The following ATRN variants were observed in gnomAD, a reference collection of about 807,000 sequenced individuals.
ATRN encodes the protein attractin, also known as attractin-2.
In ATRN, 54 loss-of-function variants were observed where a neutral mutation model predicts 178.7. The observed-to-expected ratio is 0.30, with a 90% CI of 0.24 to 0.38. The LOEUF is 0.38. Among genes scored for constraint, ATRN ranks in the 10% least tolerant of loss-of-function variants. ATRN has a pLI of 1.00. For synonymous variants in ATRN, 636 were observed against 663.0 expected (o/e 0.96, Z 0.63); for missense variants, 1,443 against 1,815.1 (o/e 0.79, Z 3.73).
chr20:3,471,341 C>T lies in ATRN; in HGVS notation c.234C>T (p.Pro78=), dbSNP rs1358432670. The change falls in exon 1 of 29, where the codon CCC becomes CCT. Residue 78 remains proline (P), a synonymous_variant. Transcript: ENST00000262919. ...LSPPLLLLLL[P]CEAEAAAAAA... is the part of the protein sequence containing the mutation. ...CGCCGCTGCTGCTGCTGCTGCTGCC[C>T]TGTGAGGCCGAGGCCGCGGCGGCGG... 4 of 1,487,630 alleles carry T rather than the reference C, an allele frequency of 2.7e-6. 1 individual carries two copies. In the South Asian group the frequency reaches 3.8e-5, roughly 14 times the overall value. 92.2% of individuals were successfully genotyped at this position (1,487,630 alleles called of 1,614,324 possible).
chr20:3,597,335 C>G (rs2086545547), intron 21 of ATRN, among the ~76,000 whole-genome samples: 1 of 151,914 alleles, frequency 6.6e-6, no homozygotes, highest in African/African-American at 2.4e-5. Flanking sequence ...ATGACAATTC[C>G]AGTTAAAAAC....
intron 25 of ATRN, among the ~76,000 whole-genome samples, chr20:3,633,457 C>T (rs557252068): frequency 2.0e-5 from 3 of 152,308 alleles, no homozygotes; most frequent in Non-Finnish European, 4.4e-5. Context: ...ATCCTACAAA[C>T]GCAGAGCTCA....
intron 1 of ATRN, among the ~76,000 whole-genome samples, chr20:3,521,418 C>G (rs1000867270): frequency 2.0e-5 from 3 of 151,328 alleles, no homozygotes; most frequent in Non-Finnish European, 1.5e-5. Flanking sequence ...TTCATAAAGA[C>G]AAACATGTAA....
intron 11 of ATRN, among the ~76,000 whole-genome samples, chr20:3,571,763 C>A (rs1333302276): frequency 6.6e-6 from 1 of 152,042 alleles, no homozygotes; most frequent in Non-Finnish European, 1.5e-5. Context: ...ATCTTTTTTT[C>A]ATAGCATATC....
At chr20:3,539,524 T>A (rs1005606874) in intron 2 of ATRN, among the ~76,000 whole-genome samples, 2 of 152,156 alleles carry the variant, frequency 1.3e-5, no homozygotes, top group African/African-American at 2.4e-5. Context: ...AGGGTTTTTT[T>A]ATCTGGTTGC....
At chr20:3,491,046 G>GT (rs2084786148) in intron 1 of ATRN, 2 of 994,796 alleles carry the variant, frequency 2.0e-6, no homozygotes, top group Admixed American at 3.6e-5. Context: ...TTTATGATTA[G>GT]TTGTTTGCTG....
At chr20:3,529,537 T>A (rs1365100820) in intron 1 of ATRN, among the ~76,000 whole-genome samples, 1 of 152,176 alleles carries the variant, frequency 6.6e-6, no homozygotes, top group East Asian at 1.9e-4. Flanking sequence ...AAAAGTTATG[T>A]TGATAAAAAG....
chr20:3,471,051 G>T lies in ATRN; in HGVS notation c.-57G>T, dbSNP rs760582022. 2.1e-6 allele frequency: 3 copies of T among 1,448,460 alleles called. No homozygotes were observed. Among genetic ancestry groups the T allele is most frequent in the Non-Finnish European group, 2.7e-6 (3 of 1,106,730 alleles). The allele number at this position is 1,448,460 out of a possible 1,614,324, so 89.7% of individuals were successfully genotyped here. A position where few individuals can be genotyped will look rare whatever the true frequency, so the allele number is the denominator to read the frequency against. On this transcript the variant is annotated 5_prime_UTR_variant, in exon 1 of 29. Transcript: ENST00000262919. ...GCCCCGCACGGCCAGGCGAAGCGGA[G>T]CCGGCCGTGCGGTGTGTGTGTATGT...
intron 8 of ATRN, among the ~76,000 whole-genome samples, chr20:3,561,324 AAAC>A (rs997850622): frequency 1.4e-5 from 2 of 145,282 alleles, no homozygotes; most frequent in Admixed American, 6.7e-5. Flanking sequence ...CTCCGTCTCA[AAAC>A]AAACAAACAA....
At chr20:3,504,005 C>A (rs2084999209) in intron 1 of ATRN, among the ~76,000 whole-genome samples, 1 of 152,098 alleles carries the variant, frequency 6.6e-6, no homozygotes, top group Admixed American at 6.6e-5. Flanking sequence ...ATTCAAATGG[C>A]AGTAGATTTC....
At chr20:3,570,832 A>G (rs916959858) in intron 11 of ATRN, among the ~76,000 whole-genome samples, 12 of 152,210 alleles carry the variant, frequency 7.9e-5, no homozygotes, top group Admixed American at 5.9e-4. Context: ...TTAAATACGC[A>G]CAATCTAAGC....
intron 1 of ATRN, among the ~76,000 whole-genome samples, chr20:3,479,433 CTT>C (rs2084585748): frequency 6.6e-6 from 1 of 152,136 alleles, no homozygotes; most frequent in African/African-American, 2.4e-5. Flanking sequence ...TGACTTAACT[CTT>C]TTGGGGGTTC....
chr20:3,490,310 A>G (rs1227395958), intron 1 of ATRN: 5 of 1,031,386 alleles, frequency 4.8e-6, no homozygotes, highest in Non-Finnish European at 7.7e-6. Context: ...AGCATGGGTC[A>G]GAGCGCTGCT....
intron 1 of ATRN, among the ~76,000 whole-genome samples, chr20:3,472,490 C>T (rs2084446032): frequency 6.6e-6 from 1 of 152,140 alleles, no homozygotes; most frequent in Admixed American, 6.5e-5. Context: ...TCTCATTGAC[C>T]TTAACATTCT....
intron 1 of ATRN, among the ~76,000 whole-genome samples, chr20:3,525,093 CA>C (rs2085346546): frequency 1.3e-5 from 2 of 152,012 alleles, no homozygotes; most frequent in African/African-American, 4.8e-5. Flanking sequence ...AAAAACCCTT[CA>C]AAAAATCAGT....
chr20:3,545,380 A>AG (rs2085686080), intron 3 of ATRN, among the ~76,000 whole-genome samples: 2 of 151,526 alleles, frequency 1.3e-5, no homozygotes, highest in Non-Finnish European at 2.9e-5. Context: ...AAAAAAAAAA[A>AG]ACAACAAAAA....
chr20:3,597,841 C>A, intron 21 of ATRN, 65 bp from the exon 22 acceptor site: 2 of 983,872 alleles, frequency 2.0e-6, no homozygotes, highest in South Asian at 1.5e-5. Context: ...CAGCCTGTAT[C>A]TCTAAAGACC....
At chr20:3,608,943 G>A (rs1384397891) in intron 24 of ATRN, among the ~76,000 whole-genome samples, 1 of 147,948 alleles carries the variant, frequency 6.8e-6, no homozygotes, top group Non-Finnish European at 1.5e-5. Context: ...TTCTACCCTG[G>A]GCAAACAAAG....
intron 1 of ATRN, among the ~76,000 whole-genome samples, chr20:3,492,168 AGTGTGTGTGT>A (rs58489496): frequency 2.1e-4 from 29 of 140,588 alleles, no homozygotes; most frequent in Admixed American, 1.8e-3. Context: ...TAGATAGGGG[AGTGTGTGTGT>A]GTGTGTGTGT....
Sources: allele counts gnomAD v4.1 joint callset (sites outside exome capture counted in the v4.1 genomes callset), GRCh38; gene constraint gnomAD v4.1.1; transcripts MANE v1.5; gene names NCBI Gene and HGNC (gene_info 2026-07-23, HGNC 2026-07-21).